The following WDFY4 variants were observed in gnomAD, a reference collection of about 807,000 sequenced individuals.
The protein encoded by WDFY4 is WD repeat- and FYVE domain-containing protein 4.
A neutral mutation model predicts 351.9 loss-of-function variants in WDFY4; 169 were observed. The ratio of observed to expected loss-of-function variants is 0.48; its 90% confidence interval spans 0.42 to 0.55. WDFY4 has a LOEUF of 0.55. Ranked by LOEUF, WDFY4 falls within the 20% of genes least tolerant of loss-of-function variation. WDFY4 has a pLI of 0.00. For synonymous variants in WDFY4, 1,622 were observed against 1,574.6 expected, an observed-to-expected ratio of 1.03 and a Z score of -0.71; for missense variants, 3,803 against 3,935.6, an observed-to-expected ratio of 0.97 and a Z score of 0.90.
In WDFY4 at chr10:48,842,360, C is replaced by T. The variant is rs148887187; in HGVS notation, c.6663+9651C>T. Among the ~76,000 whole-genome samples the T allele has an allele frequency of 3.4e-3, 513 of 152,054 alleles. 3 individuals are homozygous for T. Among genetic ancestry groups the T allele is most frequent in the African/African-American group, 0.012 (477 of 41,478 alleles). On this transcript the variant is annotated intron_variant, in intron 39 of 61. Transcript: ENST00000325239. ...GGTAGATGTGAAACCAGCTGGTCTG[C>T]GACAAGCAGTGTCCTCACTGCAGGG...
chr10:48,796,153 T>C, intron 23 of WDFY4, 145 bp from the exon 24 acceptor site: 1 of 936,486 alleles, frequency 1.1e-6, no homozygotes, highest in Admixed American at 2.9e-5. Flanking sequence ...CAGAAGTTGA[T>C]GTGTATTTTT....
intron 39 of WDFY4, among the ~76,000 whole-genome samples, chr10:48,843,943 T>TGCTTTA (rs2068690846): frequency 1.3e-5 from 2 of 152,214 alleles, no homozygotes; most frequent in Non-Finnish European, 2.9e-5. Flanking sequence ...AAGACAGAAG[T>TGCTTTA]GTCCCAAACT....
chr10:48,804,562 CAA>C (rs58660119), intron 25 of WDFY4, among the ~76,000 whole-genome samples: 7,903 of 101,582 alleles, frequency 0.078, 231 homozygotes, highest in Middle Eastern at 0.11. Context: ...TGTGTTAATA[CAA>C]AAAAAAAAAA....
intron 51 of WDFY4, among the ~76,000 whole-genome samples, chr10:48,954,849 G>A (rs1211125561): frequency 6.6e-6 from 1 of 152,012 alleles, no homozygotes; most frequent in African/African-American, 2.4e-5. Flanking sequence ...AATAATACAG[G>A]CCTAAGTTTT....
At position 48,943,340 on chromosome 10, in the gene WDFY4, T is replaced by C; in HGVS notation, c.7640T>C (p.Ile2547Thr). Reference protein sequence around the residue: ...IMLQKWQKRDISNFEYLMYLN... With the variant: ...IMLQKWQKRDTSNFEYLMYLN... The stretch of plus-strand genomic sequence containing the variant: ...TGTCTCTTCTGGTAGAAAAGGGACA[T>C]CAGCAATTTTGAGTATCTCATGTAC... Residue 2547 changes from isoleucine to threonine, a missense_variant, in exon 49 of 62, where the codon ATC becomes ACC. By Grantham distance (89) the Ile-to-Thr change is moderately conservative. This residue lies in a region of WDFY4 where 3,054 missense variants were observed against 3,148.6 expected (regional missense o/e 0.97). Transcript: ENST00000325239. 1 of 1,551,656 alleles carries C rather than the reference T, an allele frequency of 6.4e-7. No individual in the cohort carries two copies. Among genetic ancestry groups the C allele is most frequent in the Non-Finnish European group, 8.7e-7 (1 of 1,146,958 alleles).
intron 39 of WDFY4, among the ~76,000 whole-genome samples, chr10:48,862,851 A>G (rs1024289378): frequency 2.0e-5 from 3 of 152,192 alleles, no homozygotes; most frequent in Non-Finnish European, 1.5e-5. Context: ...AAGATACTGC[A>G]TATTCTAGCT....
intron 47 of WDFY4, among the ~76,000 whole-genome samples, chr10:48,939,989 C>A (rs1840668802): frequency 6.6e-6 from 1 of 152,242 alleles, no homozygotes; most frequent in African/African-American, 2.4e-5. Context: ...CTAACAGGCA[C>A]ATTTAGCTCC....
At chr10:48,853,518 C>G (rs759505259) in intron 39 of WDFY4, among the ~76,000 whole-genome samples, 1 of 152,178 alleles carries the variant, frequency 6.6e-6, no homozygotes, top group African/African-American at 2.4e-5. Context: ...ACTGAGTCCA[C>G]CATGTGAACT....
At chr10:48,809,649 C>T (rs2067383347) in intron 28 of WDFY4, among the ~76,000 whole-genome samples, 1 of 151,932 alleles carries the variant, frequency 6.6e-6, no homozygotes, top group African/African-American at 2.4e-5. Flanking sequence ...ATCACCACAA[C>T]GTTAATCACT....
chr10:48,898,199 A>G (rs960423964), intron 45 of WDFY4, among the ~76,000 whole-genome samples: 4 of 152,290 alleles, frequency 2.6e-5, no homozygotes, highest in East Asian at 1.9e-4. Flanking sequence ...AGCTGGTCAT[A>G]ACCTCCCACT....
At chr10:48,932,431 C>A (rs990137200) in intron 47 of WDFY4, 1 of 152,156 alleles carries the variant, frequency 6.6e-6, no homozygotes, top group Non-Finnish European at 1.5e-5. Flanking sequence ...CTAGTGATTG[C>A]AGAAAAAGAG....
chr10:48,727,600 T>C lies in WDFY4; in HGVS notation c.912T>C (p.Ala304=). The C allele has an allele frequency of 6.4e-7, 1 of 1,552,036 alleles. No individual in the cohort carries two copies. Among genetic ancestry groups the C allele is most frequent in the South Asian group, 1.2e-5 (1 of 84,066 alleles). ...FVKDSYPVSS[A]LFLEFENSEG... ...AGGACTCCTACCCCGTCTCCTCGGC[T>C]CTGTTCCTGGAGTTTGAGAATTCAG... Residue 304 remains alanine (A), a synonymous_variant, in exon 7 of 62, where the codon GCT becomes GCC. Transcript: ENST00000325239.
At chr10:48,832,178 A>G (rs1266452939) in intron 38 of WDFY4, among the ~76,000 whole-genome samples, 3 of 152,238 alleles carry the variant, frequency 2.0e-5, no homozygotes, top group Non-Finnish European at 4.4e-5. Context: ...CCACAGTCCT[A>G]TATTGAATAC....
intron 47 of WDFY4, chr10:48,913,813 C>G (rs41283293): frequency 1.9e-6 from 3 of 1,614,076 alleles, no homozygotes; most frequent in Non-Finnish European, 2.5e-6. Flanking sequence ...TTCAGCTCCA[C>G]GGGCAGCCCG....
At chr10:48,887,989 A>G (rs2070537197) in intron 43 of WDFY4, among the ~76,000 whole-genome samples, 1 of 152,220 alleles carries the variant, frequency 6.6e-6, no homozygotes, top group African/African-American at 2.4e-5. Context: ...TCTATGATAA[A>G]TGATTTGGAA....
Position 48,774,506 on chromosome 10 carries a change from G to A in WDFY4, c.2602G>A (p.Val868Met). The change falls in exon 14 of 62, where the codon GTG becomes ATG. Residue 868 changes from valine (V) to methionine (M), a missense_variant. Physicochemically the swap from Val to Met is conservative, Grantham distance 21 (BLOSUM62 1). Transcript: ENST00000325239. ...CCTGGCCAGTCATATCCAGTCCCTGGTGAAGTCGGAGAAGAACCGCCAGGT... is the reference window on the plus strand; with the variant it reads ...CCTGGCCAGTCATATCCAGTCCCTGATGAAGTCGGAGAAGAACCGCCAGGT... ...CSLASHIQSLVKSEKNRQVMC... is the reference protein window; with the variant it reads ...CSLASHIQSLMKSEKNRQVMC... 1 of 1,551,736 alleles carries A rather than the reference G, an allele frequency of 6.4e-7. No individual in the cohort carries two copies. The highest frequency in any genetic ancestry group is 1.2e-5 in the South Asian group (1 of 84,070).
chr10:48,966,676 G>A lies in WDFY4; in HGVS notation c.8584+3G>A. 14 of 1,551,054 alleles carry A rather than the reference G, an allele frequency of 9.0e-6. No individual in the cohort carries two copies. The highest frequency in any genetic ancestry group is 1.2e-5 in the Non-Finnish European group (14 of 1,146,694). Reference sequence around the variant, plus strand: ...GCCCTCCCAGGTCACGGTCAAAGGTGATTCCCTGGCCATGCATTGTTTGGT... The same window carrying A: ...GCCCTCCCAGGTCACGGTCAAAGGTAATTCCCTGGCCATGCATTGTTTGGT... On this transcript the variant is annotated splice_donor_region_variant and intron_variant, in intron 55 of 61. Transcript: ENST00000325239.
Position 48,970,304 on chromosome 10 carries a change from G to A in WDFY4, c.8928+15G>A, listed in dbSNP as rs563972812. The stretch of plus-strand genomic sequence containing the variant: ...GCCTCCGGCAGGTATGGTCCAGCTC[G>A]TGCAGGTGCGGTCCTCAGGTGGGGA... On this transcript the variant is annotated intron_variant, in intron 57 of 61. Coordinates refer to ENST00000325239, the MANE Select transcript of WDFY4 (RefSeq NM_001394531.1). The A allele has an allele frequency of 5.9e-5, 91 of 1,548,180 alleles. No homozygotes were observed. The highest frequency in any genetic ancestry group is 3.0e-4 in the African/African-American group (22 of 73,156).
chr10:48,790,539 T>C (rs1429786621), intron 22 of WDFY4, among the ~76,000 whole-genome samples, 188 bp from the exon 23 acceptor site: 2 of 152,176 alleles, frequency 1.3e-5, no homozygotes, highest in African/African-American at 4.8e-5. Flanking sequence ...TAGCACAGTA[T>C]CTCCCAGCCA....
Sources: allele counts gnomAD v4.1 joint callset (sites outside exome capture counted in the v4.1 genomes callset), GRCh38; gene constraint gnomAD v4.1.1; regional missense constraint gnomAD v4.1.1; transcripts MANE v1.5; gene names NCBI Gene and HGNC (gene_info 2026-07-23, HGNC 2026-07-21).